EPDR1: variants seen among roughly 807,000 people sequenced by gnomAD.
The protein encoded by EPDR1 is ependymin related 1.
EPDR1 carries 27 observed loss-of-function variants against 23.7 expected under a neutral mutation model. That is an observed-to-expected ratio of 1.14 (90% CI 0.84 to 1.57). The LOEUF (loss-of-function observed/expected upper bound fraction) is 1.57, where lower values mean the gene tolerates loss of function less well. EPDR1 is among the 40% of genes most tolerant of loss of function. EPDR1 has a pLI of 0.00. For missense variants in EPDR1, 349 were observed against 290.4 expected (o/e 1.20, Z -1.47); for synonymous variants, 137 against 118.2 (o/e 1.16, Z -1.03).
At chr7:37,949,078 T>C (rs1453576283) in intron 2 of EPDR1, 30 bp downstream of exon 2, 14 of 1,595,562 alleles carry the variant, frequency 8.8e-6, no homozygotes, top group Non-Finnish European at 1.1e-5. Context: ...AAGCATTGTA[T>C]TCAGCATGCA....
chr7:37,942,488 C>T (rs1262351264), intron 1 of EPDR1, among the ~76,000 whole-genome samples: 1 of 152,042 alleles, frequency 6.6e-6, no homozygotes, highest in Non-Finnish European at 1.5e-5. Flanking sequence ...TTCAATTTTG[C>T]AAGAGTTCTG....
intron 1 of EPDR1, among the ~76,000 whole-genome samples, chr7:37,939,801 C>T (rs949456158): frequency 6.6e-6 from 1 of 152,170 alleles, no homozygotes; most frequent in African/African-American, 2.4e-5. Context: ...ACAACATGCT[C>T]TGTTGGCAGG....
rs1240232800 is a variant in EPDR1 at position 37,946,306 on chromosome 7, C to A, written c.270-2534C>A. ...GTTCTAGGTCTTTGAGGAATTGCCA[C>A]GCTGTCTTCCACAATGGTTGAACTA... On this transcript the variant is annotated intron_variant, in intron 1 of 2. Transcript: ENST00000199448. 3.9e-5 allele frequency among the ~76,000 whole-genome samples: 6 copies of A among 152,314 alleles called. No individual in the cohort carries two copies. The East Asian group carries it at 9.6e-4, about 24-fold the overall frequency.
chr7:37,927,527 A>G (rs530891122), intron 1 of EPDR1, among the ~76,000 whole-genome samples: 5 of 152,296 alleles, frequency 3.3e-5, no homozygotes, highest in African/African-American at 1.2e-4. Flanking sequence ...GTAGAAGCCT[A>G]TCTTCCTTGG....
rs116019292 is a variant in EPDR1, at chr7:37,921,739, G to T, written c.269+531G>T. 6.2e-3 allele frequency among the ~76,000 whole-genome samples: 951 copies of T among 152,256 alleles called. 9 individuals are homozygous for T. The highest frequency in any genetic ancestry group is 0.022 in the African/African-American group (898 of 41,550). On this transcript the variant is annotated intron_variant, in intron 1 of 2. Transcript: ENST00000199448. ...ATTTCACCCACAAACTTAGCAAATT[G>T]TTACAGCATTAAAATTTTGGTCTAC... is the stretch of plus-strand genomic sequence containing the variant.
intron 1 of EPDR1, among the ~76,000 whole-genome samples, chr7:37,941,979 G>T (rs1261657680): frequency 6.6e-6 from 1 of 152,038 alleles, no homozygotes; most frequent in Non-Finnish European, 1.5e-5. Context: ...TTCTCCAACT[G>T]TTCTGCATAT....
At chr7:37,933,588 T>C (rs1405348069) in intron 1 of EPDR1, among the ~76,000 whole-genome samples, 1 of 152,252 alleles carries the variant, frequency 6.6e-6, no homozygotes, top group Non-Finnish European at 1.5e-5. Context: ...GTGTTCTTTT[T>C]TTCCTGACTA....
chr7:37,934,255 C>T (rs1283387436), intron 1 of EPDR1, among the ~76,000 whole-genome samples: 2 of 152,122 alleles, frequency 1.3e-5, no homozygotes, highest in African/African-American at 2.4e-5. Context: ...GGATTACAGG[C>T]GTGAGCCACC....
Position 37,948,829 on chromosome 7 carries a change from CTG to C in EPDR1, c.270-7_270-6del, listed in dbSNP as rs1786335112. On this transcript the variant is annotated splice_polypyrimidine_tract_variant and intron_variant, in intron 1 of 2. Transcript: ENST00000199448. ...GAAGTCCCAAACTACTTCTTTCCAT[CTG>C]TGTTTCAGATTATTTGAATATATTT... 8.7e-6 allele frequency: 14 copies of C among 1,611,850 alleles called. No individual in the cohort carries two copies. The highest frequency in any genetic ancestry group is 1.1e-5 in the Non-Finnish European group (13 of 1,178,196).
intron 1 of EPDR1, among the ~76,000 whole-genome samples, chr7:37,942,312 G>A (rs1419173632): frequency 6.6e-6 from 1 of 152,182 alleles, no homozygotes; most frequent in African/African-American, 2.4e-5. Context: ...GCCAACACAT[G>A]CTACAGCGCA....
chr7:37,927,103 A>G (rs1785829622), intron 1 of EPDR1, among the ~76,000 whole-genome samples: 4 of 152,180 alleles, frequency 2.6e-5, no homozygotes, highest in Admixed American at 2.0e-4. Context: ...CCATTTTTCA[A>G]GAAGCCCTGG....
chr7:37,941,770 T>G (rs1384612911), intron 1 of EPDR1, among the ~76,000 whole-genome samples: 1 of 152,208 alleles, frequency 6.6e-6, no homozygotes, highest in Non-Finnish European at 1.5e-5. Flanking sequence ...AAAACCAGCT[T>G]TAAGATGTAT....
intron 1 of EPDR1, among the ~76,000 whole-genome samples, chr7:37,937,394 A>G (rs1786076370): frequency 6.6e-6 from 1 of 152,232 alleles, no homozygotes; most frequent in Non-Finnish European, 1.5e-5. Flanking sequence ...TTAAAAATGA[A>G]AAAGCCTTTG....
intron 1 of EPDR1, 38 bp downstream of exon 1, chr7:37,921,246 C>G (rs1384402928): frequency 8.4e-6 from 13 of 1,549,968 alleles, no homozygotes; most frequent in East Asian, 2.4e-5. Flanking sequence ...AGTAGGGAGC[C>G]GCGCGGGCAT....
At chr7:37,939,124 G>A (rs750164835) in intron 1 of EPDR1, among the ~76,000 whole-genome samples, 3 of 151,730 alleles carry the variant, frequency 2.0e-5, no homozygotes, top group Admixed American at 6.6e-5. Flanking sequence ...AAATACAGGC[G>A]CCCACCACCA....
At chr7:37,930,651 T>C (rs570266422) in intron 1 of EPDR1, among the ~76,000 whole-genome samples, 1 of 152,326 alleles carries the variant, frequency 6.6e-6, no homozygotes, top group East Asian at 1.9e-4. Context: ...CCCAGAGATC[T>C]CACCCTTCTG....
intron 1 of EPDR1, among the ~76,000 whole-genome samples, chr7:37,944,574 A>G (rs940677182): frequency 1.3e-5 from 2 of 152,184 alleles, no homozygotes; most frequent in Admixed American, 1.3e-4. Context: ...GAGCAAAGGG[A>G]CTTCTTACGT....
intron 1 of EPDR1, among the ~76,000 whole-genome samples, chr7:37,925,730 C>T (rs1433691576): frequency 2.0e-5 from 3 of 152,148 alleles, no homozygotes; most frequent in African/African-American, 7.2e-5. Context: ...TTGAATGATG[C>T]CTACAATGTT....
chr7:37,932,209 G>A lies in EPDR1; in HGVS notation c.269+11001G>A, dbSNP rs142191597. Among the ~76,000 whole-genome samples, 858 of 152,212 alleles carry A rather than the reference G, an allele frequency of 5.6e-3. 10 individuals carry two copies. Among genetic ancestry groups the A allele is most frequent in the African/African-American group, 0.02 (811 of 41,510 alleles). Reference sequence around the variant, plus strand: ...AATAATACCCTCTAAGTCACTGCCTGTGAGGTGGTTTTTGTTGTTGTTGTT... The same window carrying A: ...AATAATACCCTCTAAGTCACTGCCTATGAGGTGGTTTTTGTTGTTGTTGTT... On this transcript the variant is annotated intron_variant, in intron 1 of 2. Transcript: ENST00000199448.
Sources: allele counts gnomAD v4.1 joint callset (sites outside exome capture counted in the v4.1 genomes callset), GRCh38; gene constraint gnomAD v4.1.1; transcripts MANE v1.5; gene names NCBI Gene and HGNC (gene_info 2026-07-23, HGNC 2026-07-21).